The following SLC38A6 variants were observed in gnomAD, a reference collection of about 807,000 sequenced individuals.
SLC38A6 encodes the protein solute carrier family 38 member 6.
In SLC38A6, 73 loss-of-function variants were observed where a neutral mutation model predicts 65.0. The observed-to-expected ratio is 1.12, with a 90% CI of 0.93 to 1.37. SLC38A6 has a LOEUF of 1.37. Ranked by LOEUF, SLC38A6 falls within the 40% of genes most tolerant of loss-of-function variation. The pLI, the probability that SLC38A6 is intolerant of heterozygous loss-of-function variation, is 0.00. For missense variants in SLC38A6, 561 were observed against 531.1 expected (o/e 1.06, Z -0.55); for synonymous variants, 183 against 178.8 (o/e 1.02, Z -0.19).
At chr14:61,077,986 G>A (rs980396716) in intron 15 of SLC38A6, among the ~76,000 whole-genome samples, 1 of 152,210 alleles carries the variant, frequency 6.6e-6, no homozygotes, top group African/African-American at 2.4e-5. Context: ...GATTTTCCCT[G>A]TCACAAAGCA....
At chr14:61,083,476 G>A (rs143651503) in intron 16 of SLC38A6, 20,681 of 1,492,126 alleles carry the variant, frequency 0.014, 193 homozygotes, top group Middle Eastern at 0.016. Context: ...TTTGGAGATA[G>A]GGTCTTTAAA....
intron 15 of SLC38A6, among the ~76,000 whole-genome samples, chr14:61,063,576 A>G (rs1409465081): frequency 6.6e-6 from 1 of 152,236 alleles, no homozygotes; most frequent in Non-Finnish European, 1.5e-5. Flanking sequence ...GTACACATGT[A>G]AAGTAGAGAA....
At chr14:61,067,307 C>T (rs2043053736) in intron 15 of SLC38A6, among the ~76,000 whole-genome samples, 1 of 152,090 alleles carries the variant, frequency 6.6e-6, no homozygotes. Context: ...CTCGAGTAAG[C>T]CGTTAAGCAT....
chr14:60,992,336 C>T (rs1389881049), intron 3 of SLC38A6, among the ~76,000 whole-genome samples: 2 of 152,250 alleles, frequency 1.3e-5, no homozygotes, highest in Admixed American at 1.3e-4. Flanking sequence ...TGTACCGTAC[C>T]TCCGTGAATG....
At chr14:61,040,338 ATTTTTTTTT>A (rs71114180) in intron 8 of SLC38A6, among the ~76,000 whole-genome samples, 2 of 134,752 alleles carry the variant, frequency 1.5e-5, no homozygotes, top group African/African-American at 2.7e-5. Flanking sequence ...CGCCTGGATA[ATTTTTTTTT>A]TTTTTTTTTT....
chr14:61,026,451 C>G (rs907919488), intron 5 of SLC38A6, among the ~76,000 whole-genome samples: 1 of 152,018 alleles, frequency 6.6e-6, no homozygotes, highest in Non-Finnish European at 1.5e-5. Flanking sequence ...AAATGAAATA[C>G]ATTGAAAATA....
At position 61,037,094 on chromosome 14, in the gene SLC38A6, T is replaced by A. The variant is rs757112477; in HGVS notation, c.518T>A (p.Ile173Asn). The A allele has an allele frequency of 6.2e-7, 1 of 1,610,282 alleles. No homozygotes were observed. Among genetic ancestry groups the A allele is most frequent in the Admixed American group, 1.7e-5 (1 of 59,814 alleles). ...WYLDGQTLLI[I>N]ICVGIVFPLA... ...CTTGATGGACAAACACTACTAATAATCATATGTGTTGGCATTGTGTTCCCT... is the reference window on the plus strand; with the variant it reads ...CTTGATGGACAAACACTACTAATAAACATATGTGTTGGCATTGTGTTCCCT... Residue 173 changes from isoleucine (I) to asparagine (N), a missense_variant, in exon 7 of 16, where the codon ATC (isoleucine) becomes AAC (asparagine). By Grantham distance (149) the Ile-to-Asn change is moderately radical. Transcript: ENST00000267488.
At position 61,061,250 on chromosome 14, in the gene SLC38A6, G is replaced by A. The variant is rs138513049; in HGVS notation, c.1290+9115G>A. The stretch of plus-strand genomic sequence containing the variant: ...TGTGATGAATCACATTTATTGATTT[G>A]CATATGTTGAACCAACCTTGCATCC... On this transcript the variant is annotated intron_variant, in intron 15 of 16. Coordinates refer to the SLC38A6 transcript ENST00000354886. Among the ~76,000 whole-genome samples, 1,044 of 152,300 alleles carry A rather than the reference G, an allele frequency of 6.9e-3. 6 individuals are homozygous for A. The highest frequency in any genetic ancestry group is 0.01 in the Non-Finnish European group (690 of 68,024).
At position 61,050,705 on chromosome 14, in the gene SLC38A6, C is replaced by T. The variant is rs2042459842; in HGVS notation, c.1050+69C>T. The T allele has an allele frequency of 1.2e-5, 16 of 1,302,072 alleles. No homozygotes were observed. The South Asian group carries it at 4.1e-4, about 33-fold the overall frequency. The allele number at this position is 1,302,072 out of a possible 1,614,324, so 80.7% of individuals were successfully genotyped here. On this transcript the variant is annotated intron_variant, in intron 13 of 15. Coordinates refer to ENST00000267488, the MANE Select transcript of SLC38A6 (RefSeq NM_153811.3). ...CTAATAGGGAAACACTAATTCTTTG[C>T]AGAATAGAATGTTTGAATCACATCT...
chr14:61,012,221 G>A (rs1166723415), intron 3 of SLC38A6, among the ~76,000 whole-genome samples: 1 of 152,120 alleles, frequency 6.6e-6, no homozygotes, highest in Non-Finnish European at 1.5e-5. Context: ...TGTGGGATCG[G>A]TGGTGATATC....
rs749631340 is a variant in SLC38A6 at position 61,051,813 on chromosome 14, T to C, written c.1077T>C (p.Phe359=). Residue 359 remains phenylalanine (F), a synonymous_variant, in exon 14 of 16, where the codon TTT becomes TTC. Transcript: ENST00000267488. ...CCAGAAAAGCTGTAACAATGATGTT[T>C]TTCTCCAATTTTCCATTCTCATGGA... ...FPARKAVTMM[F]FSNFPFSWIR... The C allele has an allele frequency of 2.4e-5, 39 of 1,612,286 alleles. No individual in the cohort carries two copies. The highest frequency in any genetic ancestry group is 1.6e-4 in the Middle Eastern group (1 of 6,070).
At position 60,982,676 on chromosome 14, in the gene SLC38A6, A is replaced by G. The variant is rs2296922; in HGVS notation, c.236+38A>G. 1,714 of 1,581,496 alleles carry G rather than the reference A, an allele frequency of 1.1e-3. 13 individuals are homozygous for G. In the East Asian group the frequency reaches 0.026, roughly 24 times the overall value. ...ATTTTAGCATCAAATTTTTTTTTCC[A>G]TTTTGATAATATACGGAGAAGTAGA... On this transcript the variant is annotated intron_variant, in intron 2 of 15. Coordinates refer to ENST00000267488, the MANE Select transcript of SLC38A6 (RefSeq NM_153811.3).
intron 3 of SLC38A6, among the ~76,000 whole-genome samples, chr14:60,996,610 G>A (rs918707451): frequency 2.0e-5 from 3 of 152,138 alleles, no homozygotes; most frequent in Non-Finnish European, 4.4e-5. Context: ...AAGGAAATTA[G>A]TTTCAAGATT....
intron 15 of SLC38A6, among the ~76,000 whole-genome samples, chr14:61,074,679 T>TTCCCTCCCTCCCTCCCTCCC (rs67230998): frequency 1.1e-4 from 15 of 135,260 alleles, no homozygotes; most frequent in African/African-American, 4.2e-4. Context: ...AAGCCTATTA[T>TTCCCTCCCTCCCTCCCTCCC]TCCCTCCCTC....
chr14:61,048,396 G>C (rs1377419809), intron 12 of SLC38A6: 1 of 273,378 alleles, frequency 3.7e-6, no homozygotes, highest in Non-Finnish European at 7.2e-6. Flanking sequence ...AAACAGGACA[G>C]CCTCCTGACT....
At chr14:61,008,862 T>C (rs1402238586) in intron 3 of SLC38A6, among the ~76,000 whole-genome samples, 10 of 152,206 alleles carry the variant, frequency 6.6e-5, no homozygotes, top group Admixed American at 6.6e-4. Flanking sequence ...ACTTTAACTT[T>C]ATTTACATAT....
At chr14:61,004,286 C>T (rs1307431642) in intron 3 of SLC38A6, 3 of 152,090 alleles carry the variant, frequency 2.0e-5, no homozygotes, top group Admixed American at 6.6e-5. Flanking sequence ...ATAAGACATA[C>T]TCCGGTTAGC....
intron 15 of SLC38A6, among the ~76,000 whole-genome samples, chr14:61,070,121 T>G (rs998163159): frequency 6.6e-6 from 1 of 152,256 alleles, no homozygotes; most frequent in African/African-American, 2.4e-5. Context: ...ATAGTGTTGT[T>G]AATTATATGC....
intron 3 of SLC38A6, among the ~76,000 whole-genome samples, chr14:61,010,658 G>GT (rs2039490974): frequency 6.6e-6 from 1 of 152,078 alleles, no homozygotes; most frequent in South Asian, 2.1e-4. Context: ...CCCATTTCCT[G>GT]TTTTTCTCAG....
Sources: gnomAD v4.1 joint callset for allele counts (sites outside exome capture counted in the v4.1 genomes callset) on GRCh38, gnomAD v4.1.1 for gene constraint, MANE v1.5 for transcripts, NCBI Gene and HGNC (gene_info 2026-07-23, HGNC 2026-07-21) for gene names.